Variants in HDAC9 observed in about 807,000 individuals in gnomAD.
HDAC9 encodes histone deacetylase 9, also known as MEF-2 interacting transcription repressor (MITR) protein.
A neutral mutation model predicts 139.4 loss-of-function variants in HDAC9; 41 were observed. The ratio of observed to expected loss-of-function variants is 0.29; its 90% confidence interval spans 0.23 to 0.38. The LOEUF is 0.38. Among genes scored for constraint, HDAC9 ranks in the 10% least tolerant of loss-of-function variants. The probability of loss-of-function intolerance (pLI) is 1.00; values close to 1 mark genes in which losing one functional copy is unlikely to be tolerated. For missense variants in HDAC9, 1,147 were observed against 1,297.0 expected (o/e 0.88, Z 1.78); for synonymous variants, 517 against 476.2 (o/e 1.09, Z -1.12).
chr7:18,309,929 A>G (rs952414701), intron 1 of HDAC9, among the ~76,000 whole-genome samples: 6 of 152,210 alleles, frequency 3.9e-5, no homozygotes, highest in African/African-American at 1.4e-4. Flanking sequence ...TATTAAACAA[A>G]TGTGTTGAAG....
intron 1 of HDAC9, among the ~76,000 whole-genome samples, chr7:18,145,438 T>C (rs987269532): frequency 6.6e-6 from 1 of 152,212 alleles, no homozygotes; most frequent in Non-Finnish European, 1.5e-5. Flanking sequence ...TATCCAGACA[T>C]ATGTCAATCA....
At chr7:18,747,337 A>C (rs527683255) in intron 13 of HDAC9, among the ~76,000 whole-genome samples, 4 of 152,284 alleles carry the variant, frequency 2.6e-5, no homozygotes, top group Middle Eastern at 3.4e-3. Context: ...CAGATTAGAG[A>C]TAATAACACC....
chr7:18,425,782 A>G (rs1257629951), intron 1 of HDAC9, among the ~76,000 whole-genome samples: 1 of 152,174 alleles, frequency 6.6e-6, no homozygotes, highest in African/African-American at 2.4e-5. Flanking sequence ...CCCTTTCTAG[A>G]ACGAACTGCA....
chr7:18,331,344 C>T (rs762190536), intron 1 of HDAC9, among the ~76,000 whole-genome samples: 3 of 151,438 alleles, frequency 2.0e-5, no homozygotes, highest in Non-Finnish European at 3.0e-5. Context: ...AATGAAAAAT[C>T]GTGTTTTTTA....
chr7:18,666,119 A>G (rs931240431), intron 11 of HDAC9, 94 bp from the exon 12 acceptor site: 5 of 1,269,610 alleles, frequency 3.9e-6, no homozygotes, highest in Admixed American at 2.4e-5. Flanking sequence ...ATTAGAAATC[A>G]CAGTGTATGA....
intron 22 of HDAC9, among the ~76,000 whole-genome samples, chr7:18,900,102 T>C (rs1264520817): frequency 6.6e-6 from 1 of 152,140 alleles, no homozygotes; most frequent in Non-Finnish European, 1.5e-5. Context: ...GAGGTTTTTT[T>C]CCCTGTCCAA....
intron 21 of HDAC9, among the ~76,000 whole-genome samples, chr7:18,858,719 C>T (rs1251305918): frequency 6.6e-6 from 1 of 152,182 alleles, no homozygotes; most frequent in Non-Finnish European, 1.5e-5. Context: ...TAAAACTACT[C>T]TATCATGTCA....
intron 22 of HDAC9, among the ~76,000 whole-genome samples, chr7:18,881,177 C>T (rs1052671775): frequency 3.9e-5 from 6 of 152,132 alleles, no homozygotes; most frequent in African/African-American, 7.2e-5. Context: ...CTTCTGCTAA[C>T]AATGCGTGTA....
chr7:18,495,314 G>T (rs1019314708), upstream of HDAC9, among the ~76,000 whole-genome samples: 1 of 152,030 alleles, frequency 6.6e-6, no homozygotes, highest in Non-Finnish European at 1.5e-5. Context: ...CCAATACAGA[G>T]CTCTGTACTT....
Position 18,844,647 on chromosome 7 carries a change from C to A in HDAC9, c.2684+8650C>A, listed in dbSNP as rs555226287. Among the ~76,000 whole-genome samples, 5 of 152,128 alleles carry A rather than the reference C, an allele frequency of 3.3e-5. No homozygotes were observed. The East Asian group carries it at 9.7e-4, about 29-fold the overall frequency. On this transcript the variant is annotated intron_variant, in intron 21 of 25. Coordinates refer to ENST00000686413, the MANE Select transcript of HDAC9 (RefSeq NM_178425.4). ...ACCGAAATGGACTGAATTTCAGAAA[C>A]AAAAGAGCATTTTTACTGGAACAGA...
chr7:18,893,788 T>A (rs9648246), intron 22 of HDAC9, among the ~76,000 whole-genome samples: 1 of 151,904 alleles, frequency 6.6e-6, no homozygotes, highest in Admixed American at 6.6e-5. Context: ...GTTTGTGATT[T>A]TTAAAAGGGT....
intron 1 of HDAC9, among the ~76,000 whole-genome samples, chr7:18,294,903 A>G (rs1440492631): frequency 6.6e-6 from 1 of 152,152 alleles, no homozygotes; most frequent in Non-Finnish European, 1.5e-5. Context: ...TATAATTAAT[A>G]GGACTTGGTA....
At chr7:18,875,066 T>C (rs943125915) in intron 22 of HDAC9, among the ~76,000 whole-genome samples, 10 of 152,190 alleles carry the variant, frequency 6.6e-5, no homozygotes, top group Non-Finnish European at 1.5e-4. Context: ...TGTATGTGTC[T>C]ATGGGCAACC....
At chr7:18,745,195 A>G (rs1260152672) in intron 13 of HDAC9, among the ~76,000 whole-genome samples, 1 of 152,212 alleles carries the variant, frequency 6.6e-6, no homozygotes, top group Non-Finnish European at 1.5e-5. Flanking sequence ...ATGAAGATGA[A>G]GGATGAGGTT....
Position 18,591,392 on chromosome 7 carries a change from C to T in HDAC9, c.416-124C>T, listed in dbSNP as rs1026176762. On this transcript the variant is annotated intron_variant, in intron 4 of 25. Transcript: ENST00000686413. ...GGAAAACTTTATGTGCTGTGACCAGCGATTTTACTTCTTAATCTTTGTCAA... is the reference window on the plus strand; with the variant it reads ...GGAAAACTTTATGTGCTGTGACCAGTGATTTTACTTCTTAATCTTTGTCAA... 2.1e-5 allele frequency: 28 copies of T among 1,317,978 alleles called. No homozygotes were observed. In the Admixed American group the frequency reaches 2.4e-4, roughly 11 times the overall value. 81.6% of individuals were successfully genotyped at this position (1,317,978 alleles called of 1,614,324 possible).
chr7:18,973,393 T>G (rs1317629719), intron 24 of HDAC9, among the ~76,000 whole-genome samples: 1 of 152,206 alleles, frequency 6.6e-6, no homozygotes, highest in East Asian at 1.9e-4. Flanking sequence ...TTAATAATAA[T>G]ATTTTATGTA....
chr7:18,522,674 CCTGT>C (rs986474003), intron 2 of HDAC9, among the ~76,000 whole-genome samples: 17 of 150,846 alleles, frequency 1.1e-4, no homozygotes, highest in East Asian at 9.7e-4. Context: ...TATTTCTTGT[CCTGT>C]CTATTTTTTA....
chr7:18,095,485 C>T (rs1200308995), intron 1 of HDAC9, among the ~76,000 whole-genome samples: 2 of 152,026 alleles, frequency 1.3e-5, no homozygotes, highest in African/African-American at 2.4e-5. Context: ...TGCAATTACC[C>T]TGTGGCTCGC....
intron 21 of HDAC9, among the ~76,000 whole-genome samples, chr7:18,846,427 G>A (rs762672868): frequency 3.3e-5 from 5 of 152,224 alleles, no homozygotes; most frequent in Non-Finnish European, 7.4e-5. Flanking sequence ...ATTAAATTCC[G>A]ACTCTAGATC....
Sources: gnomAD v4.1 joint callset for allele counts (sites outside exome capture counted in the v4.1 genomes callset) on GRCh38, gnomAD v4.1.1 for gene constraint, MANE v1.5 for transcripts, NCBI Gene and HGNC (gene_info 2026-07-23, HGNC 2026-07-21) for gene names.